The following KRTAP2-1 variants were observed in gnomAD, a reference collection of about 807,000 sequenced individuals.
The protein encoded by KRTAP2-1 is keratin-associated protein 2-1.
In KRTAP2-1, 5 loss-of-function variants were observed where a neutral mutation model predicts 11.6. That is an observed-to-expected ratio of 0.43 (90% confidence interval 0.22 to 0.90). The LOEUF (loss-of-function observed/expected upper bound fraction) is 0.90, where lower values mean the gene tolerates loss of function less well. KRTAP2-1 is among the 40% of genes least tolerant of loss of function. The pLI is 0.26. For synonymous variants in KRTAP2-1, 19 were observed against 81.9 expected (o/e 0.23, Z 4.15); for missense variants, 40 against 191.3 (o/e 0.21, Z 4.67).
In KRTAP2-1 at chr17:41,047,099, G is replaced by A; in HGVS notation, c.169C>T (p.Pro57Ser). Reference sequence around the variant, plus strand: ...TCGCAGCACACCGGGCGGCGGCAGGGCTCGCAGATGGGGCGCGTGCAGCGG... The same window carrying A: ...TCGCAGCACACCGGGCGGCGGCAGGACTCGCAGATGGGGCGCGTGCAGCGG... Reference protein sequence around the residue: ...VPRCTRPICEPCRRPVCCDPC... With the variant: ...VPRCTRPICESCRRPVCCDPC... The change falls in exon 1 of 1, where the codon CCC (proline) becomes TCC (serine). Residue 57 changes from proline (P) to serine (S), a missense_variant. Pro to Ser is a moderately conservative substitution (Grantham distance 74). Coordinates refer to ENST00000391419, the MANE Select transcript of KRTAP2-1 (RefSeq NM_001123387.1). 1 of 1,344,744 alleles carries A rather than the reference G, an allele frequency of 7.4e-7. No homozygotes were observed. Among genetic ancestry groups the A allele is most frequent in the South Asian group, 1.5e-5 (1 of 66,436 alleles). The allele number at this position is 1,344,744 out of a possible 1,614,324, so 83.3% of individuals were successfully genotyped here.
At position 41,047,082 on chromosome 17, in the gene KRTAP2-1, C is replaced by T; in HGVS notation, c.186G>A (p.Val62=). ...RPICEPCRRP[V]CCDPCSLQEG... The stretch of plus-strand genomic sequence containing the variant: ...CCTGCAGGGAGCAGGGGTCGCAGCA[C>T]ACCGGGCGGCGGCAGGGCTCGCAGA... Residue 62 remains valine (V), a synonymous_variant, in exon 1 of 1, where the codon GTG becomes GTA. Transcript: ENST00000391419. 1 of 1,358,096 alleles carries T rather than the reference C, an allele frequency of 7.4e-7. No individual in the cohort carries two copies. The highest frequency in any genetic ancestry group is 9.8e-7 in the Non-Finnish European group (1 of 1,019,836). The allele number at this position is 1,358,096 out of a possible 1,614,324, so 84.1% of individuals were successfully genotyped here.
chr17:41,046,694 T>G lies in KRTAP2-1; in HGVS notation c.*187A>C. The stretch of plus-strand genomic sequence containing the variant: ...GTTCCCTGCTTGGTTGATGTGGGGT[T>G]TTGTGGGCTCAGGGCAGGAGGTTTG... On this transcript the variant is annotated 3_prime_UTR_variant, in exon 1 of 1. Coordinates refer to ENST00000391419, the MANE Select transcript of KRTAP2-1 (RefSeq NM_001123387.1). The G allele has an allele frequency of 6.9e-7, 1 of 1,457,594 alleles. No homozygotes were observed. The highest frequency in any genetic ancestry group is 9.1e-7 in the Non-Finnish European group (1 of 1,097,660). The allele number at this position is 1,457,594 out of a possible 1,614,324, so 90.3% of individuals were successfully genotyped here. A position where few individuals can be genotyped will look rare whatever the true frequency, so the allele number is the denominator to read the frequency against.
In KRTAP2-1 at chr17:41,047,018, A is replaced by G; in HGVS notation, c.250T>C (p.Cys84Arg). 6.6e-7 allele frequency: 1 copy of G among 1,505,058 alleles called. No individual in the cohort carries two copies. The highest frequency in any genetic ancestry group is 8.9e-7 in the Non-Finnish European group (1 of 1,123,932). 93.2% of individuals were successfully genotyped at this position (1,505,058 alleles called of 1,614,324 possible). The part of the protein sequence containing the change: ...CRPITCCPSS[C>R]TAVVCRPCCW... ...CAGGGCCTGCACACCACAGCCGTGCACGACGAGGGGCAGCAGGTGATGGGG... is the reference window on the plus strand; with the variant it reads ...CAGGGCCTGCACACCACAGCCGTGCGCGACGAGGGGCAGCAGGTGATGGGG... The change falls in exon 1 of 1, where the codon TGC becomes CGC. Residue 84 changes from cysteine (C) to arginine (R), a missense_variant. Cys to Arg is a radical substitution (Grantham distance 180, BLOSUM62 -3). Coordinates refer to ENST00000391419, the MANE Select transcript of KRTAP2-1 (RefSeq NM_001123387.1).
rs142309544 is a variant in KRTAP2-1, at chr17:41,046,583, A to T, written c.*298T>A. 3.1e-6 allele frequency: 2 copies of T among 637,780 alleles called. No homozygotes were observed. The highest frequency in any genetic ancestry group is 4.9e-6 in the Non-Finnish European group (2 of 408,060). The allele number at this position is 637,780 out of a possible 1,614,324, so 39.5% of individuals were successfully genotyped here. ...AACAGATATTTATTAGAAAATAAACATGCCACGAAATCTTAAGAAGAAGGA... is the reference window on the plus strand; with the variant it reads ...AACAGATATTTATTAGAAAATAAACTTGCCACGAAATCTTAAGAAGAAGGA... On this transcript the variant is annotated 3_prime_UTR_variant, in exon 1 of 1. Transcript: ENST00000391419.
chr17:41,046,777 A>G lies in KRTAP2-1; in HGVS notation c.*104T>C, dbSNP rs1281030442. Reference sequence around the variant, plus strand: ...AGAAGGTGAGTTACGCGTTCCGGGCAGTCAGTGCACTGCTCAGCAGGAGGA... The same window carrying G: ...AGAAGGTGAGTTACGCGTTCCGGGCGGTCAGTGCACTGCTCAGCAGGAGGA... On this transcript the variant is annotated 3_prime_UTR_variant, in exon 1 of 1. Transcript: ENST00000391419. 6.7e-7 allele frequency: 1 copy of G among 1,491,766 alleles called. No homozygotes were observed. The highest frequency in any genetic ancestry group is 8.9e-7 in the Non-Finnish European group (1 of 1,118,542). The allele number at this position is 1,491,766 out of a possible 1,614,324, so 92.4% of individuals were successfully genotyped here.
In KRTAP2-1 at chr17:41,046,903, G is replaced by A. The variant is rs1452599360; in HGVS notation, c.365C>T (p.Thr122Ile). 6.4e-7 allele frequency: 1 copy of A among 1,557,020 alleles called. No individual in the cohort carries two copies. Among genetic ancestry groups the A allele is most frequent in the African/African-American group, 1.4e-5 (1 of 73,874 alleles). ...GGCTCAGCAGGAGGAGGTCCTGCAG[G>A]TGGTGCTGCAAGGGGTCGGCTGGCC... ...PCGQPTPCST[T>I]CRTSSC The change falls in exon 1 of 1, where the codon ACC (threonine) becomes ATC (isoleucine). Residue 122 changes from threonine to isoleucine, a missense_variant. By Grantham distance (89) the Thr-to-Ile change is moderately conservative. Coordinates refer to ENST00000391419, the MANE Select transcript of KRTAP2-1 (RefSeq NM_001123387.1).
rs780605297 is a variant in KRTAP2-1 at position 41,046,752 on chromosome 17, A to G, written c.*129T>C. On this transcript the variant is annotated 3_prime_UTR_variant, in exon 1 of 1. Coordinates refer to ENST00000391419, the MANE Select transcript of KRTAP2-1 (RefSeq NM_001123387.1). ...AGAGAAATGGGAGTGTGACTTTTTC[A>G]GAAGGTGAGTTACGCGTTCCGGGCA... 3.8e-5 allele frequency: 57 copies of G among 1,518,672 alleles called. No homozygotes were observed. Among genetic ancestry groups the G allele is most frequent in the Non-Finnish European group, 8.8e-6 (10 of 1,134,602 alleles). The allele number at this position is 1,518,672 out of a possible 1,614,324, so 94.1% of individuals were successfully genotyped here. A position where few individuals can be genotyped will look rare whatever the true frequency, so the allele number is the denominator to read the frequency against.
chr17:41,046,623 C>G lies in KRTAP2-1; in HGVS notation c.*258G>C, dbSNP rs1197269568. On this transcript the variant is annotated 3_prime_UTR_variant, in exon 1 of 1. Transcript: ENST00000391419. ...AAGAAGAAGGAAATTGCTTCTTTTA[C>G]AGACTTCAGAATGGCCCAGGTCTTA... 1 of 900,990 alleles carries G rather than the reference C, an allele frequency of 1.1e-6. No individual in the cohort carries two copies. Among genetic ancestry groups the G allele is most frequent in the Non-Finnish European group, 1.6e-6 (1 of 636,014 alleles). 55.8% of individuals were successfully genotyped at this position (900,990 alleles called of 1,614,324 possible).
chr17:41,046,551 G>C lies in KRTAP2-1; in HGVS notation c.*330C>G, dbSNP rs1229482335. ...AAATAAAACCAAATCTTTTTGCAAG[G>C]CCAAAGAACAGATATTTATTAGAAA... On this transcript the variant is annotated 3_prime_UTR_variant, in exon 1 of 1. Transcript: ENST00000391419. The C allele has an allele frequency of 1.9e-6, 1 of 534,352 alleles. No individual in the cohort carries two copies. Among genetic ancestry groups the C allele is most frequent in the Admixed American group, 3.7e-5 (1 of 27,312 alleles). 33.1% of individuals were successfully genotyped at this position (534,352 alleles called of 1,614,324 possible). A position where few individuals can be genotyped will look rare whatever the true frequency, so the allele number is the denominator to read the frequency against.
In KRTAP2-1 at chr17:41,047,086, G is replaced by GGGC; in HGVS notation, c.179_181dup (p.Arg60dup). On this transcript the variant is annotated inframe_insertion, in exon 1 of 1. Coordinates refer to ENST00000391419, the MANE Select transcript of KRTAP2-1 (RefSeq NM_001123387.1). ...CAGGGAGCAGGGGTCGCAGCACACC[G>GGGC]GGCGGCGGCAGGGCTCGCAGATGGG... 1 of 1,351,674 alleles carries GGGC rather than the reference G, an allele frequency of 7.4e-7. No individual in the cohort carries two copies. Among genetic ancestry groups the GGGC allele is most frequent in the Non-Finnish European group, 9.9e-7 (1 of 1,015,194 alleles). The allele number at this position is 1,351,674 out of a possible 1,614,324, so 83.7% of individuals were successfully genotyped here.
In KRTAP2-1 at chr17:41,046,621, T is replaced by G; in HGVS notation, c.*260A>C. ...TTAAGAAGAAGGAAATTGCTTCTTT[T>G]ACAGACTTCAGAATGGCCCAGGTCT... On this transcript the variant is annotated 3_prime_UTR_variant, in exon 1 of 1. Transcript: ENST00000391419. 1.1e-6 allele frequency: 1 copy of G among 895,590 alleles called. No individual in the cohort carries two copies. The highest frequency in any genetic ancestry group is 1.6e-6 in the Non-Finnish European group (1 of 630,492). The allele number at this position is 895,590 out of a possible 1,614,324, so 55.5% of individuals were successfully genotyped here.
In KRTAP2-1 at chr17:41,046,971, G is replaced by C; in HGVS notation, c.297C>G (p.Cys99Trp). 1 of 1,537,354 alleles carries C rather than the reference G, an allele frequency of 6.5e-7. No individual in the cohort carries two copies. The highest frequency in any genetic ancestry group is 8.7e-7 in the Non-Finnish European group (1 of 1,146,746). Residue 99 changes from cysteine (C) to tryptophan (W), a missense_variant, in exon 1 of 1, where the codon TGC becomes TGG. Cys to Trp is a radical substitution (Grantham distance 215). Coordinates refer to ENST00000391419, the MANE Select transcript of KRTAP2-1 (RefSeq NM_001123387.1). ...AGGGGGACTGCACAGACACAGGCTG[G>C]CAGCAGGTGGTGGCCCAGCAGCAGG... Reference protein sequence around the residue: ...CRPCCWATTCCQPVSVQSPCC... With the variant: ...CRPCCWATTCWQPVSVQSPCC...
chr17:41,046,697 GTGGGCTCAGGGCAGGAGGTTTGTTA>G lies in KRTAP2-1; in HGVS notation c.*159_*183del. On this transcript the variant is annotated 3_prime_UTR_variant, in exon 1 of 1. Transcript: ENST00000391419. Reference sequence around the variant, plus strand: ...CCCTGCTTGGTTGATGTGGGGTTTTGTGGGCTCAGGGCAGGAGGTTTGTTAAAGTAGAGAAATGGGAGTGTGACTT... The same window carrying G: ...CCCTGCTTGGTTGATGTGGGGTTTTGAAGTAGAGAAATGGGAGTGTGACTT... The G allele has an allele frequency of 6.8e-7, 1 of 1,462,414 alleles. No individual in the cohort carries two copies. The highest frequency in any genetic ancestry group is 9.1e-7 in the Non-Finnish European group (1 of 1,101,602). The allele number at this position is 1,462,414 out of a possible 1,614,324, so 90.6% of individuals were successfully genotyped here. A position where few individuals can be genotyped will look rare whatever the true frequency, so the allele number is the denominator to read the frequency against.
rs1317496103 is a variant in KRTAP2-1 at position 41,046,774 on chromosome 17, G to C, written c.*107C>G. 2 of 1,514,144 alleles carry C rather than the reference G, an allele frequency of 1.3e-6. No individual in the cohort carries two copies. The highest frequency in any genetic ancestry group is 1.8e-6 in the Non-Finnish European group (2 of 1,132,224). 93.8% of individuals were successfully genotyped at this position (1,514,144 alleles called of 1,614,324 possible). ...TTCAGAAGGTGAGTTACGCGTTCCG[G>C]GCAGTCAGTGCACTGCTCAGCAGGA... On this transcript the variant is annotated 3_prime_UTR_variant, in exon 1 of 1. Coordinates refer to ENST00000391419, the MANE Select transcript of KRTAP2-1 (RefSeq NM_001123387.1).
rs2012842905 is a variant in KRTAP2-1 at position 41,046,620 on chromosome 17, TTACA to T, written c.*257_*260del. 7.9e-6 allele frequency: 7 copies of T among 886,514 alleles called. No individual in the cohort carries two copies. In the African/African-American group the frequency reaches 1.0e-4, roughly 13 times the overall value. 54.9% of individuals were successfully genotyped at this position (886,514 alleles called of 1,614,324 possible). A position where few individuals can be genotyped will look rare whatever the true frequency, so the allele number is the denominator to read the frequency against. ...CTTAAGAAGAAGGAAATTGCTTCTT[TTACA>T]GACTTCAGAATGGCCCAGGTCTTAA... On this transcript the variant is annotated 3_prime_UTR_variant, in exon 1 of 1. Transcript: ENST00000391419.
Position 41,046,637 on chromosome 17 carries a change from G to T in KRTAP2-1, c.*244C>A. 9.4e-7 allele frequency: 1 copy of T among 1,061,538 alleles called. No homozygotes were observed. Among genetic ancestry groups the T allele is most frequent in the Non-Finnish European group, 1.3e-6 (1 of 758,896 alleles). 65.8% of individuals were successfully genotyped at this position (1,061,538 alleles called of 1,614,324 possible). A position where few individuals can be genotyped will look rare whatever the true frequency, so the allele number is the denominator to read the frequency against. On this transcript the variant is annotated 3_prime_UTR_variant, in exon 1 of 1. Coordinates refer to ENST00000391419, the MANE Select transcript of KRTAP2-1 (RefSeq NM_001123387.1). ...TGCTTCTTTTACAGACTTCAGAATG[G>T]CCCAGGTCTTAATAGATGAGCCCAG... is the stretch of plus-strand genomic sequence containing the variant.
At position 41,046,561 on chromosome 17, in the gene KRTAP2-1, A is replaced by T. The variant is rs1025916575; in HGVS notation, c.*320T>A. 1.8e-5 allele frequency: 10 copies of T among 569,164 alleles called. No individual in the cohort carries two copies. The highest frequency in any genetic ancestry group is 4.7e-4 in the Middle Eastern group (1 of 2,116). The allele number at this position is 569,164 out of a possible 1,614,324, so 35.3% of individuals were successfully genotyped here. ...AAATCTTTTTGCAAGGCCAAAGAACAGATATTTATTAGAAAATAAACATGC... is the reference window on the plus strand; with the variant it reads ...AAATCTTTTTGCAAGGCCAAAGAACTGATATTTATTAGAAAATAAACATGC... On this transcript the variant is annotated 3_prime_UTR_variant, in exon 1 of 1. Coordinates refer to ENST00000391419, the MANE Select transcript of KRTAP2-1 (RefSeq NM_001123387.1).
Position 41,047,292 on chromosome 17 carries a change from T to A in KRTAP2-1, c.-25A>T, listed in dbSNP as rs2012866613. The A allele has an allele frequency of 2.2e-6, 3 of 1,370,812 alleles. No homozygotes were observed. In the East Asian group the frequency reaches 7.7e-5, roughly 35 times the overall value. The allele number at this position is 1,370,812 out of a possible 1,614,324, so 84.9% of individuals were successfully genotyped here. A position where few individuals can be genotyped will look rare whatever the true frequency, so the allele number is the denominator to read the frequency against. On this transcript the variant is annotated 5_prime_UTR_variant, in exon 1 of 1. Transcript: ENST00000391419. ...TGGTGGTGTCTGAGGCTGGTGTGGG[T>A]TGGGCTGTGGAGAGGAGCTGGATGT...
In KRTAP2-1 at chr17:41,046,662, G is replaced by A. The variant is rs144606825; in HGVS notation, c.*219C>T. On this transcript the variant is annotated 3_prime_UTR_variant, in exon 1 of 1. Coordinates refer to ENST00000391419, the MANE Select transcript of KRTAP2-1 (RefSeq NM_001123387.1). ...GCCCAGGTCTTAATAGATGAGCCCA[G>A]TGCTCGGTTCCCTGCTTGGTTGATG... 12,755 of 1,318,974 alleles carry A rather than the reference G, an allele frequency of 9.7e-3. 94 individuals carry two copies. The highest frequency in any genetic ancestry group is 0.015 in the Middle Eastern group (54 of 3,690). 81.7% of individuals were successfully genotyped at this position (1,318,974 alleles called of 1,614,324 possible).
Sources: gnomAD v4.1 joint callset for allele counts on GRCh38, gnomAD v4.1.1 for gene constraint, MANE v1.5 for transcripts, NCBI Gene and HGNC (gene_info 2026-07-23, HGNC 2026-07-21) for gene names.